UBASH3B: variants seen among roughly 807,000 people sequenced by gnomAD.
UBASH3B encodes ubiquitin-associated and SH3 domain-containing protein B.
A neutral mutation model predicts 83.4 loss-of-function variants in UBASH3B; 37 were observed. The observed-to-expected ratio is 0.44, with a 90% CI of 0.34 to 0.58. The LOEUF is 0.58. Ranked by LOEUF, UBASH3B falls within the 20% of genes least tolerant of loss-of-function variation. The pLI, the probability that UBASH3B is intolerant of heterozygous loss-of-function variation, is 0.01. For missense variants in UBASH3B, 657 were observed against 827.2 expected (o/e 0.79, Z 2.52); for synonymous variants, 304 against 318.3 (o/e 0.96, Z 0.48).
chr11:122,738,282 C>T (rs1860967104), intron 1 of UBASH3B, among the ~76,000 whole-genome samples: 1 of 152,194 alleles, frequency 6.6e-6, no homozygotes, highest in Non-Finnish European at 1.5e-5. Flanking sequence ...CATTATTATT[C>T]AATGGCATGA....
chr11:122,747,875 A>T lies in UBASH3B; in HGVS notation c.162-28344A>T, dbSNP rs78338059. Among the ~76,000 whole-genome samples the T allele has an allele frequency of 1.1e-3, 173 of 152,322 alleles. 1 individual carries two copies. The East Asian group carries it at 0.012, about 11-fold the overall frequency. ...ATATATTCCCTTGAGTGAGCTATTTAACCTTTCAAAGCCTCTGTTCCCTCA... is the reference window on the plus strand; with the variant it reads ...ATATATTCCCTTGAGTGAGCTATTTTACCTTTCAAAGCCTCTGTTCCCTCA... On this transcript the variant is annotated intron_variant, in intron 1 of 13. Transcript: ENST00000284273.
chr11:122,733,717 A>T (rs2135954918), intron 1 of UBASH3B, among the ~76,000 whole-genome samples: 1 of 152,242 alleles, frequency 6.6e-6, no homozygotes, highest in East Asian at 1.9e-4. Flanking sequence ...TGATAAGAGT[A>T]TATGATAATA....
chr11:122,763,867 G>A (rs1860487656), intron 1 of UBASH3B, among the ~76,000 whole-genome samples: 2 of 152,218 alleles, frequency 1.3e-5, no homozygotes, highest in African/African-American at 4.8e-5. Flanking sequence ...TCAGCCTCAT[G>A]GGGAGAAGGC....
In UBASH3B at chr11:122,712,461, AG is replaced by A. The variant is rs200252269; in HGVS notation, c.161+56252del. 7.1e-3 allele frequency among the ~76,000 whole-genome samples: 1,086 copies of A among 152,236 alleles called. 35 individuals are homozygous for A. In the East Asian group the frequency reaches 0.11, roughly 15 times the overall value. ...GTCACACGAGAGGGGCTTTCTCAGC[AG>A]CCCAAATGGACCCAGGGGCTCTCAT... On this transcript the variant is annotated intron_variant, in intron 1 of 13. Transcript: ENST00000284273.
intron 1 of UBASH3B, 68 bp from the exon 2 acceptor site, chr11:122,776,151 C>T (rs1860729621): frequency 2.0e-5 from 30 of 1,465,108 alleles, no homozygotes; most frequent in Non-Finnish European, 2.6e-5. Context: ...CCTTCACACT[C>T]AGCTCTTGCC....
intron 1 of UBASH3B, among the ~76,000 whole-genome samples, chr11:122,656,588 C>T (rs930806499): frequency 6.6e-6 from 1 of 152,182 alleles, no homozygotes; most frequent in Admixed American, 6.5e-5. Context: ...CTGCGGAGGA[C>T]TCGGGCACCC....
At chr11:122,665,123 G>T (rs537140165) in intron 1 of UBASH3B, among the ~76,000 whole-genome samples, 179 of 152,230 alleles carry the variant, frequency 1.2e-3, no homozygotes, top group African/African-American at 3.9e-3. Flanking sequence ...AGCCAGGATG[G>T]TCTCCATCTC....
chr11:122,807,710 C>T (rs144131521), intron 12 of UBASH3B, among the ~76,000 whole-genome samples: 2,209 of 152,100 alleles, frequency 0.015, 25 homozygotes, highest in Non-Finnish European at 0.024. Flanking sequence ...GCCACCACAC[C>T]CAGCTAATTT....
At chr11:122,757,728 T>TTTTG (rs1861304889) in intron 1 of UBASH3B, among the ~76,000 whole-genome samples, 2 of 145,836 alleles carry the variant, frequency 1.4e-5, no homozygotes, top group Non-Finnish European at 3.0e-5. Context: ...TTTTTTTTTT[T>TTTTG]TTTTGAGACA....
rs1860731757 is a variant in UBASH3B, at chr11:122,776,255, T to G, written c.198T>G (p.Val66=). 1 of 1,609,566 alleles carries G rather than the reference T, an allele frequency of 6.2e-7. No individual in the cohort carries two copies. Among genetic ancestry groups the G allele is most frequent in the Non-Finnish European group, 8.5e-7 (1 of 1,178,510 alleles). Residue 66 remains valine (V), a synonymous_variant, in exon 2 of 14, where the codon GTT becomes GTG. Transcript: ENST00000284273. ...TGGCATCCACGGGAGGAAGAAGTGTTCAGGCAGCATGTGACTGGTTGGTAT... is the reference window on the plus strand; with the variant it reads ...TGGCATCCACGGGAGGAAGAAGTGTGCAGGCAGCATGTGACTGGTTGGTAT... ...KALASTGGRS[V]QAACDWLFSH...
chr11:122,737,204 C>T (rs1860948347), intron 1 of UBASH3B, among the ~76,000 whole-genome samples: 1 of 152,104 alleles, frequency 6.6e-6, no homozygotes, highest in African/African-American at 2.4e-5. Flanking sequence ...TAGGGAGCTA[C>T]TGGGTTGTTT....
chr11:122,800,904 G>C (rs1317457192), intron 10 of UBASH3B, among the ~76,000 whole-genome samples: 2 of 152,184 alleles, frequency 1.3e-5, no homozygotes, highest in Non-Finnish European at 2.9e-5. Flanking sequence ...ACCGCACCCA[G>C]CCTCGAATAA....
At chr11:122,686,890 C>T (rs1203597922) in intron 1 of UBASH3B, among the ~76,000 whole-genome samples, 1 of 150,454 alleles carries the variant, frequency 6.6e-6, no homozygotes, top group Non-Finnish European at 1.5e-5. Flanking sequence ...TTTTTTGAGA[C>T]AGGGTCTAGC....
rs556848551 is a variant in UBASH3B, at chr11:122,727,009, AT to A, written c.162-49205del. 7.3e-4 allele frequency among the ~76,000 whole-genome samples: 111 copies of A among 152,266 alleles called. 1 individual carries two copies. The highest frequency in any genetic ancestry group is 2.5e-3 in the African/African-American group (102 of 41,572). ...CTCTTGTCCACGGGTCCCAGGACTT[AT>A]TTTTAAAAAAGGATTCCGATTGCTA... On this transcript the variant is annotated intron_variant, in intron 1 of 13. Coordinates refer to ENST00000284273, the MANE Select transcript of UBASH3B (RefSeq NM_032873.5).
intron 10 of UBASH3B, 137 bp from the exon 11 acceptor site, chr11:122,801,051 C>A: frequency 2.8e-6 from 3 of 1,073,328 alleles, no homozygotes; most frequent in East Asian, 5.0e-5. Flanking sequence ...TGTCCAAATC[C>A]ACATGCTTCC....
chr11:122,799,942 C>G (rs982417836), intron 10 of UBASH3B, among the ~76,000 whole-genome samples: 2 of 152,222 alleles, frequency 1.3e-5, no homozygotes, highest in Non-Finnish European at 1.5e-5. Flanking sequence ...GACACTGCAT[C>G]TGAGTCTTCT....
chr11:122,800,227 T>A (rs969781396), intron 10 of UBASH3B, among the ~76,000 whole-genome samples: 1 of 152,074 alleles, frequency 6.6e-6, no homozygotes, highest in African/African-American at 2.4e-5. Context: ...AAGGCCATCA[T>A]GGAATTTGCT....
chr11:122,776,147 C>CA, intron 1 of UBASH3B, 72 bp from the exon 2 acceptor site: 14 of 1,431,372 alleles, frequency 9.8e-6, no homozygotes, highest in Non-Finnish European at 1.4e-5. Flanking sequence ...GCCTCCTTCA[C>CA]ACTCAGCTCT....
chr11:122,719,030 G>A (rs555440951), intron 1 of UBASH3B, among the ~76,000 whole-genome samples: 28 of 152,046 alleles, frequency 1.8e-4, no homozygotes, highest in Admixed American at 7.9e-4. Context: ...GATTGAGACC[G>A]TCTCTCAAAA....
Sources: allele counts gnomAD v4.1 joint callset (sites outside exome capture counted in the v4.1 genomes callset), GRCh38; gene constraint gnomAD v4.1.1; transcripts MANE v1.5; gene names NCBI Gene and HGNC (gene_info 2026-07-23, HGNC 2026-07-21).